KMT2A: variants seen among roughly 807,000 people sequenced by gnomAD.
KMT2A encodes the protein lysine methyltransferase 2A, also known as histone-lysine N-methyltransferase 2A.
KMT2A carries 16 observed loss-of-function variants against 345.3 expected under a neutral mutation model. That is an observed-to-expected ratio of 0.05 (90% confidence interval 0.03 to 0.07). The LOEUF is 0.07. Among genes scored for constraint, KMT2A ranks in the 10% least tolerant of loss-of-function variants. The probability of loss-of-function intolerance (pLI) is 1.00; values close to 1 mark genes in which losing one functional copy is unlikely to be tolerated. For missense variants in KMT2A, 3,272 were observed against 4,841.6 expected (o/e 0.68, Z 9.62); for synonymous variants, 1,599 against 1,778.6 (o/e 0.90, Z 2.54).
In KMT2A at chr11:118,484,740, C is replaced by A; in HGVS notation, c.4219-122C>A. 1 of 701,744 alleles carries A rather than the reference C, an allele frequency of 1.4e-6. No homozygotes were observed. Among genetic ancestry groups the A allele is most frequent in the Non-Finnish European group, 2.5e-6 (1 of 395,040 alleles). 43.5% of individuals were successfully genotyped at this position (701,744 alleles called of 1,614,324 possible). A position where few individuals can be genotyped will look rare whatever the true frequency, so the allele number is the denominator to read the frequency against. ...TTTTAAAGCAGCAGTTATTTTTGGA[C>A]TCATTGAAATGAAATACTCTGACAT... On this transcript the variant is annotated intron_variant, in intron 9 of 35. Transcript: ENST00000534358. The surrounding 1 kb of genome is among the most constrained non-coding windows in gnomAD (Gnocchi z 4.1).
chr11:118,506,205 C>T lies in KMT2A; in HGVS notation c.10313C>T (p.Thr3438Met), dbSNP rs782425634. ...SICVLPSTQT[T>M]GITAASPSGE... ...TGTGTGCTCCCCTCCACTCAGACTA[C>T]GGGCATAACAGCCGCTTCACCTTCT... Residue 3438 changes from threonine to methionine, a missense_variant, in exon 27 of 36, where the codon ACG becomes ATG. Thr to Met is a moderately conservative substitution (Grantham distance 81). Transcript: ENST00000534358. 8.7e-6 allele frequency: 14 copies of T among 1,614,016 alleles called. No individual in the cohort carries two copies. The highest frequency in any genetic ancestry group is 3.3e-4 in the Middle Eastern group (2 of 6,084).
In KMT2A at chr11:118,478,054, C is replaced by T; in HGVS notation, c.3422C>T (p.Pro1141Leu). 6.2e-7 allele frequency: 1 copy of T among 1,614,082 alleles called. No homozygotes were observed. The highest frequency in any genetic ancestry group is 1.1e-5 in the South Asian group (1 of 91,070). ...PIKPVTRNKA[P>L]QEPPVKKGRR... Reference sequence around the variant, plus strand: ...AAACCTGTCACTAGAAACAAGGCACCCCAGGAACCTCCAGTAAAGAAAGGA... The same window carrying T: ...AAACCTGTCACTAGAAACAAGGCACTCCAGGAACCTCCAGTAAAGAAAGGA... The change falls in exon 5 of 36, where the codon CCC becomes CTC. Residue 1141 changes from proline (P) to leucine (L), a missense_variant. Around this residue, in one of 27 missense-constraint regions of KMT2A, gnomAD observed 33 missense variants for 46.5 expected, o/e 0.71. Transcript: ENST00000534358.
At chr11:118,479,768 A>G (rs947927812) in intron 5 of KMT2A, among the ~76,000 whole-genome samples, 18 of 152,186 alleles carry the variant, frequency 1.2e-4, no homozygotes, top group African/African-American at 3.9e-4. Flanking sequence ...TAATTATAGC[A>G]TTATAGTGGT....
intron 6 of KMT2A, 23 bp downstream of exon 6, chr11:118,480,261 C>T: frequency 6.3e-6 from 10 of 1,591,362 alleles, no homozygotes; most frequent in Non-Finnish European, 7.8e-6. Context: ...AAAAGGTCTT[C>T]CCCCAAATGC....
Position 118,502,336 on chromosome 11 carries a change from A to G in KMT2A, c.6506-62A>G, listed in dbSNP as rs969833422. The G allele has an allele frequency of 2.8e-6, 3 of 1,086,576 alleles. No individual in the cohort carries two copies. The Middle Eastern group carries it at 6.8e-4, about 245-fold the overall frequency. 67.3% of individuals were successfully genotyped at this position (1,086,576 alleles called of 1,614,324 possible). A position where few individuals can be genotyped will look rare whatever the true frequency, so the allele number is the denominator to read the frequency against. ...TATATATAGTCAAATCATTGAAACCAGTGACTTCTACACATTTGTTCTATC... is the reference window on the plus strand; with the variant it reads ...TATATATAGTCAAATCATTGAAACCGGTGACTTCTACACATTTGTTCTATC... On this transcript the variant is annotated intron_variant, in intron 26 of 35. Coordinates refer to ENST00000534358, the MANE Select transcript of KMT2A (RefSeq NM_001197104.2). The surrounding 1 kb of genome is among the most constrained non-coding windows in gnomAD (Gnocchi z 4.9).
rs1555048521 is a variant in KMT2A at position 118,506,538 on chromosome 11, C to T, written c.10646C>T (p.Pro3549Leu). ...PKPKTKRFQL[P>L]LDKGNGKKHK... ...CCAAAAACCAAACGGTTTCAGCTGC[C>T]TCTAGACAAAGGGAATGGCAAGAAG... The change falls in exon 27 of 36, where the codon CCT becomes CTT. Residue 3549 changes from proline (P) to leucine (L), a missense_variant. By Grantham distance (98) the Pro-to-Leu change is moderately conservative. This residue lies in a region of KMT2A where 748 missense variants were observed against 922.2 expected (regional missense o/e 0.81). Coordinates refer to ENST00000534358, the MANE Select transcript of KMT2A (RefSeq NM_001197104.2). The T allele has an allele frequency of 1.9e-6, 3 of 1,614,194 alleles. No individual in the cohort carries two copies. Among genetic ancestry groups the T allele is most frequent in the East Asian group, 4.5e-5 (2 of 44,884 alleles).
At chr11:118,509,448 G>A (rs563183217) in intron 29 of KMT2A, among the ~76,000 whole-genome samples, 9 of 152,210 alleles carry the variant, frequency 5.9e-5, no homozygotes, top group African/African-American at 2.2e-4. Flanking sequence ...CTCTTCTGCT[G>A]TACTGGTTTT....
At position 118,520,161 on chromosome 11, in the gene KMT2A, T is replaced by A. The variant is rs373803711; in HGVS notation, c.11429+97T>A. On this transcript the variant is annotated intron_variant, in intron 33 of 35. Coordinates refer to ENST00000534358, the MANE Select transcript of KMT2A (RefSeq NM_001197104.2). The surrounding 1 kb of genome is among the most constrained non-coding windows in gnomAD (Gnocchi z 4.3). Reference sequence around the variant, plus strand: ...GGAATTTGTTTGCATCAGAATTTCCTGGATAAGATTTAAAAGGACTGAAAA... The same window carrying A: ...GGAATTTGTTTGCATCAGAATTTCCAGGATAAGATTTAAAAGGACTGAAAA... 2.5e-6 allele frequency: 2 copies of A among 798,910 alleles called. No individual in the cohort carries two copies. The highest frequency in any genetic ancestry group is 3.5e-5 in the African/African-American group (2 of 57,546). 49.5% of individuals were successfully genotyped at this position (798,910 alleles called of 1,614,324 possible). A position where few individuals can be genotyped will look rare whatever the true frequency, so the allele number is the denominator to read the frequency against.
chr11:118,496,356 G>A lies in KMT2A; in HGVS notation c.5653G>A (p.Asp1885Asn). ...TGCGTTATGTTTGACTTATGGTGAT[G>A]ACAGTGCTAATGTAAGTACTTTGCA... ...QCALCLTYGDDSANDAGRLLY... is the reference protein window; with the variant it reads ...QCALCLTYGDNSANDAGRLLY... Residue 1885 changes from aspartate (D) to asparagine (N), a missense_variant, in exon 20 of 36, where the codon GAC (aspartate) becomes AAC (asparagine). Coordinates refer to ENST00000534358, the MANE Select transcript of KMT2A (RefSeq NM_001197104.2). This position sits in a 1 kb window ranked among gnomAD's most constrained non-coding sequence, Gnocchi z 4.7. 6.2e-7 allele frequency: 1 copy of A among 1,612,336 alleles called. No homozygotes were observed. The highest frequency in any genetic ancestry group is 2.2e-5 in the East Asian group (1 of 44,852).
chr11:118,482,085 A>G lies in KMT2A; in HGVS notation c.4005A>G (p.Pro1335=). Residue 1335 remains proline (P), a synonymous_variant, in exon 7 of 36, where the codon CCA becomes CCG. Transcript: ENST00000534358. ...SEPKKKQPPP[P]ESGPEQSKQK... ...CCAAGAAAAAGCAGCCTCCACCACC[A>G]GAATCAGGTGAGTGAGGAGGGCAAG... The G allele has an allele frequency of 6.2e-7, 1 of 1,605,646 alleles. No individual in the cohort carries two copies.
chr11:118,453,385 A>AC (rs1949579790), intron 1 of KMT2A, among the ~76,000 whole-genome samples: 1 of 149,996 alleles, frequency 6.7e-6, no homozygotes, highest in African/African-American at 2.5e-5. Context: ...GAACCAGCTG[A>AC]CCACTCCCTT....
rs201869352 is a variant in KMT2A, at chr11:118,502,946, G to T, written c.7054G>T (p.Gly2352Cys). 6.2e-7 allele frequency: 1 copy of T among 1,614,078 alleles called. No homozygotes were observed. The highest frequency in any genetic ancestry group is 1.1e-5 in the South Asian group (1 of 91,066). ...TSRELNVSKI[G>C]SFAEPSSVSF... The stretch of plus-strand genomic sequence containing the variant: ...TAGAGAACTGAATGTTAGTAAAATC[G>T]GCTCCTTTGCTGAACCCTCTTCAGT... Residue 2352 changes from glycine to cysteine, a missense_variant, in exon 27 of 36, where the codon GGC (glycine) becomes TGC (cysteine). Coordinates refer to ENST00000534358, the MANE Select transcript of KMT2A (RefSeq NM_001197104.2). The surrounding 1 kb of genome is among the most constrained non-coding windows in gnomAD (Gnocchi z 4.9).
chr11:118,511,137 T>C (rs1950679374), intron 30 of KMT2A, among the ~76,000 whole-genome samples: 1 of 152,228 alleles, frequency 6.6e-6, no homozygotes, highest in Non-Finnish European at 1.5e-5. Flanking sequence ...CATAATGTGA[T>C]AAGCTCTCTA....
rs782517973 is a variant in KMT2A, at chr11:118,505,348, T to A, written c.9456T>A (p.Ala3152=). The A allele has an allele frequency of 6.2e-7, 1 of 1,614,198 alleles. No homozygotes were observed. The change falls in exon 27 of 36, where the codon GCT becomes GCA. Residue 3152 remains alanine (A), a synonymous_variant. Coordinates refer to ENST00000534358, the MANE Select transcript of KMT2A (RefSeq NM_001197104.2). This position sits in a 1 kb window ranked among gnomAD's most constrained non-coding sequence, Gnocchi z 4.6. ...LPTSQSLFPS[A]SKGLLPMSHH... is the part of the protein sequence containing the mutation. ...CTTCTCAATCTTTGTTCCCTTCTGCTAGCAAAGGATTGCTACCCATGTCTC... is the reference window on the plus strand; with the variant it reads ...CTTCTCAATCTTTGTTCCCTTCTGCAAGCAAAGGATTGCTACCCATGTCTC...
At chr11:118,456,704 G>A (rs1455889997) in intron 1 of KMT2A, among the ~76,000 whole-genome samples, 1 of 152,142 alleles carries the variant, frequency 6.6e-6, no homozygotes, top group East Asian at 1.9e-4. Flanking sequence ...TTTTCTTTCA[G>A]TACTATATTC....
rs1555044961 is a variant in KMT2A at position 118,499,297 on chromosome 11, T to C, written c.5962-6T>C. ...CTATTAACAGCTACCATGGGTTTTA[T>C]TTAAGGTGGTTCCTGAGAATGGATT... is the stretch of plus-strand genomic sequence containing the variant. On this transcript the variant is annotated splice_polypyrimidine_tract_variant and splice_region_variant and intron_variant, in intron 22 of 35. Transcript: ENST00000534358. 1.3e-6 allele frequency: 2 copies of C among 1,586,054 alleles called. No homozygotes were observed. Among genetic ancestry groups the C allele is most frequent in the Non-Finnish European group, 1.7e-6 (2 of 1,154,346 alleles).
At chr11:118,519,509 C>T in intron 31 of KMT2A, 109 bp from the exon 32 acceptor site, 1 of 936,798 alleles carries the variant, frequency 1.1e-6, no homozygotes, top group Non-Finnish European at 1.7e-6. Context: ...CTATAATTCA[C>T]CCTGGAGCAG....
Position 118,510,561 on chromosome 11 carries a change from G to A in KMT2A, c.11071+443G>A, listed in dbSNP as rs908683486. 2.0e-5 allele frequency among the ~76,000 whole-genome samples: 3 copies of A among 152,122 alleles called. No individual in the cohort carries two copies. Among genetic ancestry groups the A allele is most frequent in the Non-Finnish European group, 4.4e-5 (3 of 68,018 alleles). On this transcript the variant is annotated intron_variant, in intron 30 of 35. Coordinates refer to ENST00000534358, the MANE Select transcript of KMT2A (RefSeq NM_001197104.2). This position sits in a 1 kb window ranked among gnomAD's most constrained non-coding sequence, Gnocchi z 4.1. Reference sequence around the variant, plus strand: ...CGGTCTTCCCTGACCTTCTGAGGTAGCTAAGCCCTCCCTCTCCCTCCTTTT... The same window carrying A: ...CGGTCTTCCCTGACCTTCTGAGGTAACTAAGCCCTCCCTCTCCCTCCTTTT...
chr11:118,502,389 C>A lies in KMT2A; in HGVS notation c.6506-9C>A, dbSNP rs782698697. On this transcript the variant is annotated splice_polypyrimidine_tract_variant and intron_variant, in intron 26 of 35. Coordinates refer to ENST00000534358, the MANE Select transcript of KMT2A (RefSeq NM_001197104.2). This position sits in a 1 kb window ranked among gnomAD's most constrained non-coding sequence, Gnocchi z 4.9. Reference sequence around the variant, plus strand: ...CAATAGCATTTATTACTTTTTCTCTCTTGTTTAGGAAGTCCTACCCCAACC... The same window carrying A: ...CAATAGCATTTATTACTTTTTCTCTATTGTTTAGGAAGTCCTACCCCAACC... 6 of 1,558,504 alleles carry A rather than the reference C, an allele frequency of 3.8e-6. No homozygotes were observed.
Sources: gnomAD v4.1 joint callset for allele counts (sites outside exome capture counted in the v4.1 genomes callset) on GRCh38, gnomAD v4.1.1 for gene constraint, gnomAD v4.1.1 regional missense constraint, Gnocchi (gnomAD v3.1) non-coding constraint, MANE v1.5 for transcripts, NCBI Gene and HGNC (gene_info 2026-07-23, HGNC 2026-07-21) for gene names.